The following ATP10A variants were observed in gnomAD, a reference collection of about 807,000 sequenced individuals.
ATP10A encodes the protein phospholipid-transporting ATPase VA.
Under a neutral mutation model 147.8 loss-of-function variants are expected in ATP10A, and 111 were observed. The ratio of observed to expected loss-of-function variants is 0.75; its 90% confidence interval spans 0.64 to 0.88. The LOEUF (loss-of-function observed/expected upper bound fraction) is 0.88. Among genes scored for constraint, ATP10A ranks in the 40% least tolerant of loss-of-function variants. ATP10A has a pLI of 0.00. For missense variants in ATP10A, 1,927 were observed against 1,959.0 expected, an observed-to-expected ratio of 0.98 and a Z score of 0.31; for synonymous variants, 875 against 841.6, an observed-to-expected ratio of 1.04 and a Z score of -0.69.
At chr15:25,798,483 G>T (rs961453731) in intron 1 of ATP10A, among the ~76,000 whole-genome samples, 2 of 152,168 alleles carry the variant, frequency 1.3e-5, no homozygotes, top group African/African-American at 4.8e-5. Context: ...CATAGATAAG[G>T]GGGCCGAAGC....
intron 19 of ATP10A, 77 bp downstream of exon 19, chr15:25,680,733 C>T: frequency 2.9e-6 from 4 of 1,380,928 alleles, no homozygotes; most frequent in Non-Finnish European, 4.1e-6. Context: ...CCTCCCAGAC[C>T]TCATGAATCT....
chr15:25,780,902 A>G, intron 2 of ATP10A, 117 bp downstream of exon 2: 4 of 1,192,436 alleles, frequency 3.4e-6, no homozygotes, highest in South Asian at 1.5e-5. Flanking sequence ...GTCTACTAGG[A>G]AAAACAGCCT....
chr15:25,680,472 C>T (rs1899343285), intron 19 of ATP10A, among the ~76,000 whole-genome samples, 164 bp from the exon 20 acceptor site: 1 of 152,128 alleles, frequency 6.6e-6, no homozygotes, highest in South Asian at 2.1e-4. Context: ...AATGAGGCCT[C>T]CAGAACCCAT....
intron 1 of ATP10A, chr15:25,841,614 T>A (rs1343821956): frequency 6.6e-6 from 1 of 151,608 alleles, no homozygotes; most frequent in Non-Finnish European, 1.5e-5. Flanking sequence ...GAGGTTTTGA[T>A]AGGAGTTACG....
At chr15:25,845,495 G>A (rs1892982439) in intron 1 of ATP10A, among the ~76,000 whole-genome samples, 1 of 152,122 alleles carries the variant, frequency 6.6e-6, no homozygotes, top group Non-Finnish European at 1.5e-5. Context: ...AGAGAGCAGG[G>A]CCTTACAAGA....
chr15:25,718,667 A>G (rs1902006955), intron 7 of ATP10A, among the ~76,000 whole-genome samples: 1 of 152,060 alleles, frequency 6.6e-6, no homozygotes, highest in African/African-American at 2.4e-5. Flanking sequence ...ACTTAGGGGA[A>G]GGGGAACGGG....
At chr15:25,858,905 T>G (rs867855471) in intron 1 of ATP10A, among the ~76,000 whole-genome samples, 8 of 151,954 alleles carry the variant, frequency 5.3e-5, no homozygotes, top group Non-Finnish European at 1.0e-4. Flanking sequence ...AAAAAAAAGA[T>G]AACAATAGCC....
chr15:25,714,099 C>A lies in ATP10A; in HGVS notation c.1919G>T (p.Ser640Ile). 6 of 1,613,422 alleles carry A rather than the reference C, an allele frequency of 3.7e-6. No individual in the cohort carries two copies. Among genetic ancestry groups the A allele is most frequent in the Non-Finnish European group, 5.1e-6 (6 of 1,180,032 alleles). Residue 640 changes from serine (S) to isoleucine (I), a missense_variant, in exon 10 of 21, where the codon AGC becomes ATC. By Grantham distance (142) the Ser-to-Ile change is moderately radical. Coordinates refer to ENST00000555815, the MANE Select transcript of ATP10A (RefSeq NM_024490.4). ...GTCGCTGGACGGGGTGGACGGGAAG[C>A]TGGAGCCCAACTTGTGGCTGGACTT... ...ANKSSHKLGSSFPSTPSSDGM... is the reference protein window; with the variant it reads ...ANKSSHKLGSIFPSTPSSDGM...
intron 14 of ATP10A, 71 bp from the exon 15 acceptor site, chr15:25,691,862 T>G: frequency 6.3e-7 from 1 of 1,590,192 alleles, no homozygotes; most frequent in Non-Finnish European, 8.6e-7. Context: ...ATGTGCTAGA[T>G]TTTCTTGGGA....
chr15:25,788,767 G>A (rs1437476249), intron 1 of ATP10A, among the ~76,000 whole-genome samples: 1 of 152,206 alleles, frequency 6.6e-6, no homozygotes, highest in Non-Finnish European at 1.5e-5. Context: ...AACACAGACA[G>A]TACTGCTTGA....
chr15:25,718,442 T>C, intron 7 of ATP10A, 43 bp from the exon 8 acceptor site: 1 of 1,539,582 alleles, frequency 6.5e-7, no homozygotes, highest in Non-Finnish European at 8.7e-7. Flanking sequence ...GGGGGAAGGC[T>C]GGGCGGAGCA....
intron 1 of ATP10A, among the ~76,000 whole-genome samples, chr15:25,792,566 C>T (rs557181687): frequency 6.6e-6 from 1 of 152,292 alleles, no homozygotes; most frequent in East Asian, 1.9e-4. Context: ...CAAATGCTCC[C>T]GGGGGTTAGA....
intron 1 of ATP10A, among the ~76,000 whole-genome samples, chr15:25,785,679 C>G (rs8025645): frequency 0.047 from 7,224 of 152,268 alleles, 529 homozygotes; most frequent in African/African-American, 0.17. Context: ...CCCACTGGCA[C>G]AACACTCTTA....
intron 13 of ATP10A, among the ~76,000 whole-genome samples, chr15:25,696,521 G>T (rs1449466338): frequency 1.3e-5 from 2 of 152,236 alleles, no homozygotes; most frequent in Non-Finnish European, 2.9e-5. Flanking sequence ...GACTTCAGGC[G>T]GCACTTGGGC....
At chr15:25,713,653 G>C in intron 10 of ATP10A, 21 bp downstream of exon 10, 1 of 1,610,036 alleles carries the variant, frequency 6.2e-7, no homozygotes, top group Non-Finnish European at 8.5e-7. Flanking sequence ...CTGGGGTGCA[G>C]CTGGGCAGGG....
At chr15:25,810,586 A>G (rs1039107165) in intron 1 of ATP10A, among the ~76,000 whole-genome samples, 1 of 152,178 alleles carries the variant, frequency 6.6e-6, no homozygotes, top group African/African-American at 2.4e-5. Context: ...TAGCCAAACT[A>G]AAGTCAGGTT....
intron 1 of ATP10A, among the ~76,000 whole-genome samples, chr15:25,790,490 A>C (rs1890362631): frequency 6.6e-6 from 1 of 152,186 alleles, no homozygotes; most frequent in African/African-American, 2.4e-5. Flanking sequence ...TCACCCCCAG[A>C]GGGCAGGGCC....
At chr15:25,672,733 G>T (rs1439002699), downstream of ATP10A, among the ~76,000 whole-genome samples, 1 of 152,132 alleles carries the variant, frequency 6.6e-6, no homozygotes, top group Non-Finnish European at 1.5e-5. Context: ...TTTCTCTATT[G>T]ATTAGTGATG....
chr15:25,833,409 CG>C (rs1474076695), intron 1 of ATP10A, among the ~76,000 whole-genome samples: 3 of 152,124 alleles, frequency 2.0e-5, no homozygotes, highest in African/African-American at 2.4e-5. Context: ...AGTCCAGCCC[CG>C]CAGAGCCGAA....
Sources: allele counts gnomAD v4.1 joint callset (sites outside exome capture counted in the v4.1 genomes callset), GRCh38; gene constraint gnomAD v4.1.1; transcripts MANE v1.5; gene names NCBI Gene and HGNC (gene_info 2026-07-23, HGNC 2026-07-21).